The following PPP4R3A variants were observed in gnomAD, a reference collection of about 807,000 sequenced individuals.
The protein encoded by PPP4R3A is serine/threonine-protein phosphatase 4 regulatory subunit 3A.
PPP4R3A carries 15 observed loss-of-function variants against 91.7 expected under a neutral mutation model. That is an observed-to-expected ratio of 0.16 (90% CI 0.11 to 0.25). The LOEUF is 0.25. Ranked by LOEUF, PPP4R3A falls within the 10% of genes least tolerant of loss-of-function variation. The probability of loss-of-function intolerance (pLI) is 1.00; values close to 1 mark genes in which losing one functional copy is unlikely to be tolerated. For missense variants in PPP4R3A, 623 were observed against 998.4 expected (o/e 0.62, Z 5.07); for synonymous variants, 377 against 348.7 (o/e 1.08, Z -0.91).
chr14:91,473,375 A>G lies in PPP4R3A; in HGVS notation c.1267-5T>C. ...GAGGTTGATGAGCAAAATATCCTGG[A>G]GAGAAAAATAGACATACTCAGGATC... is the stretch of plus-strand genomic sequence containing the variant. On this transcript the variant is annotated splice_region_variant and splice_polypyrimidine_tract_variant and intron_variant, in intron 7 of 14. Transcript: ENST00000554943. The G allele has an allele frequency of 1.2e-6, 2 of 1,605,574 alleles. No homozygotes were observed.
In PPP4R3A at chr14:91,510,027, C is replaced by A. The variant is rs994388961; in HGVS notation, c.-380G>T. 3 of 886,674 alleles carry A rather than the reference C, an allele frequency of 3.4e-6. No homozygotes were observed. The highest frequency in any genetic ancestry group is 3.6e-5 in the African/African-American group (2 of 55,324). The allele number at this position is 886,674 out of a possible 1,614,324, so 54.9% of individuals were successfully genotyped here. On this transcript the variant is annotated 5_prime_UTR_variant, in exon 1 of 15. Transcript: ENST00000554943. ...GCGAAGCAGCTTCCCGCGCCGCCGC[C>A]GCCTCCTCAGGCCGCCGCCGCCGCC... is the stretch of plus-strand genomic sequence containing the variant.
rs1373072725 is a variant in PPP4R3A, at chr14:91,461,393, AGCTG to A, written c.2375_2378del (p.Ala792ValfsTer12). 6.2e-7 allele frequency: 1 copy of A among 1,606,994 alleles called. No individual in the cohort carries two copies. Among genetic ancestry groups the A allele is most frequent in the Non-Finnish European group, 8.5e-7 (1 of 1,173,946 alleles). On this transcript the variant is annotated frameshift_variant, in exon 14 of 15. Coordinates refer to ENST00000554943, the MANE Select transcript of PPP4R3A (RefSeq NM_001366432.2). LOFTEE classifies it high-confidence loss of function. ...GTCAAGAATGTACCTTTGTAGTAATAGCTGCCGTCTGAGATGTATTTTTAGGTAC... is the reference window on the plus strand; with the variant it reads ...GTCAAGAATGTACCTTTGTAGTAATACCGTCTGAGATGTATTTTTAGGTAC...
rs535315247 is a variant in PPP4R3A at position 91,458,725 on chromosome 14, T to G, written c.*34A>C. 3.1e-6 allele frequency: 5 copies of G among 1,614,028 alleles called. No individual in the cohort carries two copies. In the South Asian group the frequency reaches 4.4e-5, roughly 14 times the overall value. ...GGGGAGGGGTGGAGAACCAGTTTTTTTCAACAGGTACTGATCCTAGGCCGT... is the reference window on the plus strand; with the variant it reads ...GGGGAGGGGTGGAGAACCAGTTTTTGTCAACAGGTACTGATCCTAGGCCGT... On this transcript the variant is annotated 3_prime_UTR_variant, in exon 15 of 15. Transcript: ENST00000554943.
chr14:91,495,605 G>C (rs1432860235), intron 1 of PPP4R3A, among the ~76,000 whole-genome samples: 1 of 151,918 alleles, frequency 6.6e-6, no homozygotes, highest in South Asian at 2.1e-4. Flanking sequence ...ATTAGATTGT[G>C]GTGATGGTTG....
At chr14:91,487,075 G>A (rs1419430340) in intron 2 of PPP4R3A, among the ~76,000 whole-genome samples, 1 of 151,126 alleles carries the variant, frequency 6.6e-6, no homozygotes, top group East Asian at 1.9e-4. Flanking sequence ...GTAAAGCCCC[G>A]TCTCTACTAA....
At chr14:91,505,565 C>A (rs566881944) in intron 1 of PPP4R3A, among the ~76,000 whole-genome samples, 1 of 152,084 alleles carries the variant, frequency 6.6e-6, no homozygotes, top group East Asian at 1.9e-4. Context: ...ATGATTAACA[C>A]ATCACAAAAA....
chr14:91,509,657 C>CG lies in PPP4R3A; in HGVS notation c.-11dup. The CG allele has an allele frequency of 6.3e-7, 1 of 1,590,002 alleles. No individual in the cohort carries two copies. On this transcript the variant is annotated 5_prime_UTR_variant, in exon 1 of 15. Transcript: ENST00000554943. The stretch of plus-strand genomic sequence containing the variant: ...GCCGGGTGTCGGTCATCGTGCCGCC[C>CG]GGGAACCGGGGCGGGGGCCCCGCCA...
At position 91,481,895 on chromosome 14, in the gene PPP4R3A, A is replaced by C. The variant is rs1228391484; in HGVS notation, c.596T>G (p.Ile199Ser). The C allele has an allele frequency of 4.3e-6, 7 of 1,613,956 alleles. No individual in the cohort carries two copies. Among genetic ancestry groups the C allele is most frequent in the Non-Finnish European group, 5.9e-6 (7 of 1,180,028 alleles). ...LHHLYEIIKG[I>S]FLLNRTALFE... ...AAGAGCAGTTCGATTCAAGAGAAAG[A>C]TGCCTTTGATAATTTCATACAAGTG... The change falls in exon 4 of 15, where the codon ATC becomes AGC. Residue 199 changes from isoleucine (I) to serine (S), a missense_variant. This residue lies in a region of PPP4R3A where 264 missense variants were observed against 377.3 expected (regional missense o/e 0.70). Coordinates refer to ENST00000554943, the MANE Select transcript of PPP4R3A (RefSeq NM_001366432.2).
chr14:91,497,257 C>T (rs1056983564), intron 1 of PPP4R3A, among the ~76,000 whole-genome samples: 1 of 151,934 alleles, frequency 6.6e-6, no homozygotes, highest in Admixed American at 6.6e-5. Context: ...AAGACAGACC[C>T]CATTCACCCC....
chr14:91,495,330 T>TGTGTGTGTGTA (rs1555437585), intron 1 of PPP4R3A, among the ~76,000 whole-genome samples: 2 of 25,726 alleles, frequency 7.8e-5, no homozygotes, highest in South Asian at 1.7e-3. Context: ...GTGTGTATGT[T>TGTGTGTGTGTA]TTTTTTTAGA....
chr14:91,496,351 G>A (rs764444175), intron 1 of PPP4R3A, among the ~76,000 whole-genome samples: 4 of 152,290 alleles, frequency 2.6e-5, no homozygotes, highest in East Asian at 1.9e-4. Context: ...TAGCACAGGG[G>A]ATTGAGGTTG....
rs1890355586 is a variant in PPP4R3A at position 91,493,533 on chromosome 14, C to CCTGT, written c.143-2735_143-2732dup. Among the ~76,000 whole-genome samples the CCTGT allele has an allele frequency of 1.3e-5, 2 of 149,948 alleles. 1 individual carries two copies. Among genetic ancestry groups the CCTGT allele is most frequent in the Admixed American group, 1.3e-4 (2 of 15,186 alleles). The stretch of plus-strand genomic sequence containing the variant: ...CAAAGGCAAGGTGCAGTGGCTCATG[C>CCTGT]CTGTAATCCCAGCACTTTGGGAGGT... On this transcript the variant is annotated intron_variant, in intron 1 of 14. Coordinates refer to ENST00000554943, the MANE Select transcript of PPP4R3A (RefSeq NM_001366432.2).
intron 9 of PPP4R3A, among the ~76,000 whole-genome samples, chr14:91,472,498 C>T (rs1160179653): frequency 2.2e-5 from 3 of 137,890 alleles, no homozygotes; most frequent in African/African-American, 5.4e-5. Flanking sequence ...CTCACTCTGT[C>T]GCCCAGGCTG....
chr14:91,478,297 G>A (rs1889330706), intron 4 of PPP4R3A, among the ~76,000 whole-genome samples: 1 of 152,218 alleles, frequency 6.6e-6, no homozygotes, highest in Non-Finnish European at 1.5e-5. Context: ...TCTCTGAACT[G>A]CTGCAGTTGG....
intron 9 of PPP4R3A, among the ~76,000 whole-genome samples, chr14:91,472,065 C>CCAA (rs1555434857): frequency 1.4e-5 from 1 of 70,284 alleles, no homozygotes; most frequent in Non-Finnish European, 2.7e-5. Flanking sequence ...ATTCTGTCTC[C>CCAA]AAAAAAAAAA....
chr14:91,472,107 G>C (rs1376136410), intron 9 of PPP4R3A, among the ~76,000 whole-genome samples: 1 of 141,334 alleles, frequency 7.1e-6, no homozygotes, highest in African/African-American at 2.6e-5. Context: ...ACAAAATAAT[G>C]TATTTACTCC....
At chr14:91,459,111 T>A (rs928339835) in intron 14 of PPP4R3A, among the ~76,000 whole-genome samples, 15 of 149,178 alleles carry the variant, frequency 1.0e-4, no homozygotes, top group East Asian at 3.9e-4. Context: ...AAAGCAAAAA[T>A]TTTTTTTTTC....
chr14:91,502,502 T>C (rs1009719648), intron 1 of PPP4R3A, among the ~76,000 whole-genome samples: 3 of 152,338 alleles, frequency 2.0e-5, no homozygotes, highest in East Asian at 1.9e-4. Flanking sequence ...TACAGAATGC[T>C]TGGCATATAC....
intron 1 of PPP4R3A, among the ~76,000 whole-genome samples, chr14:91,502,902 C>T (rs930470708): frequency 2.4e-4 from 37 of 152,160 alleles, no homozygotes; most frequent in Admixed American, 2.3e-3. Context: ...GCAAGTACTT[C>T]GTAATAAGGA....
Sources: gnomAD v4.1 joint callset for allele counts (sites outside exome capture counted in the v4.1 genomes callset) on GRCh38, gnomAD v4.1.1 for gene constraint, gnomAD v4.1.1 regional missense constraint, MANE v1.5 for transcripts, NCBI Gene and HGNC (gene_info 2026-07-23, HGNC 2026-07-21) for gene names.